The following RIMS2 variants were observed in gnomAD, a reference collection of about 807,000 sequenced individuals.
RIMS2 encodes the protein regulating synaptic membrane exocytosis protein 2.
A neutral mutation model predicts 174.4 loss-of-function variants in RIMS2; 59 were observed. The observed-to-expected ratio is 0.34, with a 90% CI of 0.27 to 0.42. The LOEUF (loss-of-function observed/expected upper bound fraction) is 0.42. Among genes scored for constraint, RIMS2 ranks in the 10% least tolerant of loss-of-function variants. The pLI is 1.00. For synonymous variants in RIMS2, 606 were observed against 572.5 expected, an observed-to-expected ratio of 1.06 and a Z score of -0.84; for missense variants, 1,620 against 1,666.3, an observed-to-expected ratio of 0.97 and a Z score of 0.48.
intron 2 of RIMS2, among the ~76,000 whole-genome samples, chr8:103,753,888 T>C (rs2097933508): frequency 6.6e-6 from 1 of 152,198 alleles, no homozygotes; most frequent in South Asian, 2.1e-4. Flanking sequence ...AGCTCCTGGA[T>C]TCACTGATTT....
chr8:103,672,255 A>G (rs1053296794), intron 1 of RIMS2, among the ~76,000 whole-genome samples: 15 of 151,942 alleles, frequency 9.9e-5, no homozygotes, highest in Non-Finnish European at 2.9e-5. Flanking sequence ...AAATTTATCT[A>G]CTATCTCTTA....
intron 1 of RIMS2, among the ~76,000 whole-genome samples, chr8:103,583,064 C>A (rs528962303): frequency 2.0e-5 from 3 of 152,160 alleles, no homozygotes; most frequent in African/African-American, 7.2e-5. Flanking sequence ...GTCACTCCAC[C>A]CTCAGCTTTA....
chr8:103,920,387 AAAC>A (rs966196267), intron 9 of RIMS2, among the ~76,000 whole-genome samples: 153 of 152,294 alleles, frequency 1.0e-3, no homozygotes, highest in African/African-American at 3.6e-3. Context: ...TTATTGTAAA[AAAC>A]AACAACGACA....
rs537014129 is a variant in RIMS2 at position 104,171,686 on chromosome 8, A to T, written c.3335-73230A>T. ...TTGGATCCATTACAGGGGAGCGAGT[A>T]TGATCTTTTGGTGGTGTTATAAAAC... On this transcript the variant is annotated intron_variant, in intron 19 of 23. Coordinates refer to ENST00000504942, the Ensembl canonical transcript of RIMS2. Among the ~76,000 whole-genome samples the T allele has an allele frequency of 2.3e-3, 356 of 152,210 alleles. 22 individuals carry two copies. The South Asian group carries it at 0.072, about 31-fold the overall frequency.
chr8:103,636,474 T>G (rs2096075748), intron 1 of RIMS2, among the ~76,000 whole-genome samples: 1 of 151,416 alleles, frequency 6.6e-6, no homozygotes, highest in East Asian at 1.9e-4. Context: ...GAAGGTTGTA[T>G]AGATCTGTGG....
At chr8:103,617,842 A>G (rs1174908129) in intron 1 of RIMS2, among the ~76,000 whole-genome samples, 1 of 152,158 alleles carries the variant, frequency 6.6e-6, no homozygotes, top group Non-Finnish European at 1.5e-5. Flanking sequence ...GTTACTGAAA[A>G]GTCAAAAAAT....
intron 19 of RIMS2, among the ~76,000 whole-genome samples, chr8:104,227,969 A>AAACTGGAATAAAAAGACCTATT (rs2099198877): frequency 6.6e-6 from 1 of 152,144 alleles, no homozygotes; most frequent in Non-Finnish European, 1.5e-5. Flanking sequence ...TTGACTAAAT[A>AAACTGGAATAAAAAGACCTATT]AACTGGAATA....
At chr8:104,199,568 T>C (rs1444594476) in intron 19 of RIMS2, among the ~76,000 whole-genome samples, 1 of 152,162 alleles carries the variant, frequency 6.6e-6, no homozygotes, top group Non-Finnish European at 1.5e-5. Flanking sequence ...TTTTAACTCC[T>C]TCAGCAGGTA....
At chr8:103,526,799 T>G (rs1195014827) in intron 1 of RIMS2, among the ~76,000 whole-genome samples, 2 of 152,124 alleles carry the variant, frequency 1.3e-5, no homozygotes, top group South Asian at 4.2e-4. Flanking sequence ...GTATGTATAG[T>G]TGGAGTTTCA....
chr8:103,938,916 G>A (rs559131940), intron 13 of RIMS2, among the ~76,000 whole-genome samples: 4 of 152,294 alleles, frequency 2.6e-5, no homozygotes, highest in Admixed American at 6.5e-5. Context: ...TCCAGGTCAC[G>A]CTGATGCAAG....
intron 19 of RIMS2, among the ~76,000 whole-genome samples, chr8:104,214,304 C>T (rs867314736): frequency 3.8e-4 from 58 of 152,288 alleles, no homozygotes; most frequent in Middle Eastern, 3.4e-3. Flanking sequence ...AGACGTGAGC[C>T]ACTCACCTTA....
chr8:103,503,613 T>C (rs968078421), intron 1 of RIMS2, among the ~76,000 whole-genome samples: 2 of 152,028 alleles, frequency 1.3e-5, no homozygotes, highest in Admixed American at 1.3e-4. Flanking sequence ...TAAATGCATG[T>C]CTGCTGCCTT....
chr8:103,506,112 C>T (rs1432671646), intron 1 of RIMS2, among the ~76,000 whole-genome samples: 1 of 151,790 alleles, frequency 6.6e-6, no homozygotes, highest in Non-Finnish European at 1.5e-5. Flanking sequence ...ATATGTAAAC[C>T]ACTGTTGCCA....
chr8:103,915,451 A>T, intron 6 of RIMS2, 44 bp from the exon 10 acceptor site: 2 of 1,200,522 alleles, frequency 1.7e-6, no homozygotes, highest in Non-Finnish European at 2.4e-6. Context: ...AACCATGCTC[A>T]TTTTAACAAT....
At chr8:104,251,733 A>G (rs760435042) in exon 24 of RIMS2, 11 of 1,611,976 alleles carry the variant, frequency 6.8e-6, no homozygotes, top group Middle Eastern at 1.6e-4. Flanking sequence ...CTTCCTCCCT[A>G]GTAGATCCAA....
intron 19 of RIMS2, among the ~76,000 whole-genome samples, chr8:104,046,287 C>T (rs1300642869): frequency 6.6e-6 from 1 of 151,938 alleles, no homozygotes; most frequent in Admixed American, 6.6e-5. Context: ...TTCATTATGG[C>T]ACAAATCCCA....
intron 19 of RIMS2, among the ~76,000 whole-genome samples, chr8:104,162,970 C>T (rs950404587): frequency 2.0e-5 from 3 of 152,046 alleles, no homozygotes; most frequent in East Asian, 1.9e-4. Flanking sequence ...GAGTCCTGTC[C>T]GTGTTACCTA....
chr8:103,929,851 T>A (rs573178207), intron 11 of RIMS2, among the ~76,000 whole-genome samples: 8 of 152,104 alleles, frequency 5.3e-5, no homozygotes, highest in African/African-American at 1.7e-4. Flanking sequence ...TTTAGTATTT[T>A]GGAGACTTTT....
intron 19 of RIMS2, among the ~76,000 whole-genome samples, chr8:104,244,476 G>A (rs2099319847): frequency 6.6e-6 from 1 of 152,118 alleles, no homozygotes; most frequent in Non-Finnish European, 1.5e-5. Context: ...TGTAAATTGT[G>A]TGAAGGCCTG....
Sources: gnomAD v4.1 joint callset for allele counts (sites outside exome capture counted in the v4.1 genomes callset) on GRCh38, gnomAD v4.1.1 for gene constraint, MANE v1.5 for transcripts, NCBI Gene and HGNC (gene_info 2026-07-23, HGNC 2026-07-21) for gene names.